FRK: variants seen among roughly 807,000 people sequenced by gnomAD.
FRK encodes tyrosine-protein kinase FRK.
FRK carries 51 observed loss-of-function variants against 56.4 expected under a neutral mutation model. The observed-to-expected ratio is 0.90, with a 90% confidence interval of 0.72 to 1.14. The LOEUF (loss-of-function observed/expected upper bound fraction) is 1.14, where lower values mean the gene tolerates loss of function less well. Ranked by LOEUF, FRK falls within the 50% of genes most tolerant of loss-of-function variation. FRK has a pLI of 0.00. For missense variants in FRK, 570 were observed against 601.4 expected (o/e 0.95, Z 0.55); for synonymous variants, 245 against 217.9 (o/e 1.12, Z -1.10).
chr6:116,070,703 T>A, the FRK span, among the ~76,000 whole-genome samples: 1 of 152,170 alleles, frequency 6.6e-6, no homozygotes, highest in Admixed American at 6.6e-5. Flanking sequence ...AAACTTTTAG[T>A]CATTAGCAAC....
intron 1 of FRK, among the ~76,000 whole-genome samples, chr6:116,045,174 T>G (rs960974263): frequency 4.6e-5 from 7 of 152,188 alleles, no homozygotes; most frequent in Non-Finnish European, 2.9e-5. Flanking sequence ...AATTTATAGA[T>G]TCAATGCTAT....
At chr6:116,094,417 C>G in the FRK span, among the ~76,000 whole-genome samples, 1 of 152,264 alleles carries the variant, frequency 6.6e-6, no homozygotes, top group Non-Finnish European at 1.5e-5. Context: ...CCTCAAGGTC[C>G]ATTACCATCC....
chr6:115,967,038 T>C (rs1368957302), intron 4 of FRK, among the ~76,000 whole-genome samples: 1 of 152,184 alleles, frequency 6.6e-6, no homozygotes, highest in East Asian at 1.9e-4. Flanking sequence ...GAATAAATAC[T>C]GATTTCAGTA....
chr6:116,078,782 T>C, the FRK span, among the ~76,000 whole-genome samples: 1 of 152,204 alleles, frequency 6.6e-6, no homozygotes, highest in Non-Finnish European at 1.5e-5. Flanking sequence ...TTCCTGACTT[T>C]TACAGAATTC....
upstream of FRK, among the ~76,000 whole-genome samples, chr6:116,060,923 T>C (rs1199393969): frequency 6.6e-6 from 1 of 152,268 alleles, no homozygotes; most frequent in Admixed American, 6.5e-5. Flanking sequence ...GGTTTCTTTC[T>C]GTCTGTGATC....
chr6:116,025,719 C>T (rs1361626178), intron 1 of FRK, among the ~76,000 whole-genome samples: 2 of 152,128 alleles, frequency 1.3e-5, no homozygotes, highest in East Asian at 1.9e-4. Context: ...AATGTCCTTC[C>T]TATTACTAAT....
intron 2 of FRK, among the ~76,000 whole-genome samples, chr6:115,991,081 T>C (rs1282767172): frequency 6.6e-6 from 1 of 151,828 alleles, no homozygotes; most frequent in Non-Finnish European, 1.5e-5. Context: ...TGACTGCTGT[T>C]TGTGTATAAA....
chr6:116,053,947 T>C (rs1487310247), intron 1 of FRK, among the ~76,000 whole-genome samples: 1 of 152,082 alleles, frequency 6.6e-6, no homozygotes, highest in African/African-American at 2.4e-5. Context: ...ACACAGGTAT[T>C]AATTAAACTT....
At chr6:116,040,094 A>C (rs1776657571) in intron 1 of FRK, among the ~76,000 whole-genome samples, 1 of 152,230 alleles carries the variant, frequency 6.6e-6, no homozygotes, top group South Asian at 2.1e-4. Context: ...ACATGGGGGA[A>C]GTCTTAAAAG....
At chr6:116,031,056 T>C (rs1776289221) in intron 1 of FRK, among the ~76,000 whole-genome samples, 1 of 152,092 alleles carries the variant, frequency 6.6e-6, no homozygotes, top group South Asian at 2.1e-4. Context: ...GTGCAAAACA[T>C]GGAAAAATCT....
At chr6:116,042,008 T>G (rs923115090) in intron 1 of FRK, among the ~76,000 whole-genome samples, 1 of 152,228 alleles carries the variant, frequency 6.6e-6, no homozygotes, top group African/African-American at 2.4e-5. Flanking sequence ...CATGAAATTC[T>G]TACTGCCAGC....
intron 1 of FRK, among the ~76,000 whole-genome samples, chr6:116,041,266 T>C (rs565047773): frequency 6.6e-6 from 1 of 152,326 alleles, no homozygotes; most frequent in Admixed American, 6.5e-5. Flanking sequence ...TTATCTGAAA[T>C]GTCACTGTAT....
intron 5 of FRK, among the ~76,000 whole-genome samples, chr6:115,951,527 T>C (rs1437628102): frequency 6.6e-6 from 1 of 152,252 alleles, no homozygotes; most frequent in African/African-American, 2.4e-5. Context: ...CTTTAAATTG[T>C]AATAAGATCT....
At chr6:116,054,414 A>G (rs1777296919) in intron 1 of FRK, among the ~76,000 whole-genome samples, 1 of 145,694 alleles carries the variant, frequency 6.9e-6, no homozygotes. Flanking sequence ...TTATAAATAT[A>G]GTATTATTTA....
chr6:116,038,650 A>T (rs1054305548), intron 1 of FRK: 4 of 322,676 alleles, frequency 1.2e-5, no homozygotes, highest in African/African-American at 6.5e-5. Flanking sequence ...AGGTTCTTAC[A>T]TTTTTTTTAA....
At chr6:115,968,861 A>C in intron 2 of FRK, 122 bp from the exon 3 acceptor site, 1 of 811,810 alleles carries the variant, frequency 1.2e-6, no homozygotes, top group Non-Finnish European at 1.9e-6. Flanking sequence ...GTGTTTCTCA[A>C]CTTTGTCTCA....
At chr6:115,958,719 GAAAGAAAGAAAGA>G (rs1773168930) in intron 4 of FRK, among the ~76,000 whole-genome samples, 1 of 10,802 alleles carries the variant, frequency 9.3e-5, no homozygotes, top group African/African-American at 3.7e-4. Flanking sequence ...AAGAAAGAAA[GAAAGAAAGAAAGA>G]AAGAAAGAAA....
At chr6:116,059,739 C>A (rs1016482475) in intron 1 of FRK, among the ~76,000 whole-genome samples, 1 of 152,124 alleles carries the variant, frequency 6.6e-6, no homozygotes, top group Non-Finnish European at 1.5e-5. Flanking sequence ...ACACCCTGGA[C>A]CTGTGGATGT....
At chr6:116,032,888 T>A (rs75513756) in intron 1 of FRK, among the ~76,000 whole-genome samples, 2,816 of 152,228 alleles carry the variant, frequency 0.018, 38 homozygotes, top group Middle Eastern at 0.034. Flanking sequence ...ATAATGGAAT[T>A]CATGCCTGTG....
Sources: allele counts gnomAD v4.1 joint callset (sites outside exome capture counted in the v4.1 genomes callset), GRCh38; gene constraint gnomAD v4.1.1; transcripts MANE v1.5; gene names NCBI Gene and HGNC (gene_info 2026-07-23, HGNC 2026-07-21).